The following TEF variants were observed in gnomAD, a reference collection of about 807,000 sequenced individuals.
TEF encodes thyrotroph embryonic factor.
A neutral mutation model predicts 20.8 loss-of-function variants in TEF; 3 were observed. That is an observed-to-expected ratio of 0.14 (90% CI 0.07 to 0.37). The LOEUF (loss-of-function observed/expected upper bound fraction) is 0.37, where lower values mean the gene tolerates loss of function less well. TEF is among the 10% of genes least tolerant of loss of function. TEF has a pLI of 1.00. For missense variants in TEF, 296 were observed against 397.9 expected (o/e 0.74, Z 2.18); for synonymous variants, 180 against 171.1 (o/e 1.05, Z -0.41).
At chr22:41,367,962 G>A (rs372414867) in intron 1 of TEF, among the ~76,000 whole-genome samples, 2 of 152,158 alleles carry the variant, frequency 1.3e-5, no homozygotes, top group Admixed American at 1.3e-4. Flanking sequence ...GCAGAGGAGC[G>A]GCAGGGACTG....
At chr22:41,376,037 CAG>C (rs1305938557) in intron 1 of TEF, among the ~76,000 whole-genome samples, 1 of 152,072 alleles carries the variant, frequency 6.6e-6, no homozygotes, top group African/African-American at 2.4e-5. Flanking sequence ...AGCCAGAAAA[CAG>C]AGTGGGACTG....
chr22:41,374,732 A>G (rs888458212), intron 1 of TEF, among the ~76,000 whole-genome samples: 1 of 151,828 alleles, frequency 6.6e-6, no homozygotes, highest in Non-Finnish European at 1.5e-5. Flanking sequence ...AAAAAAGAAA[A>G]GAAAATCATA....
At chr22:41,372,264 C>T (rs1038712411) in intron 1 of TEF, among the ~76,000 whole-genome samples, 4 of 152,054 alleles carry the variant, frequency 2.6e-5, no homozygotes, top group Admixed American at 2.0e-4. Flanking sequence ...TCTCTACCTG[C>T]CCCCCACCCC....
intron 2 of TEF, among the ~76,000 whole-genome samples, chr22:41,389,344 T>TGAACCGA (rs1465957642): frequency 6.6e-6 from 1 of 151,768 alleles, no homozygotes; most frequent in Non-Finnish European, 1.5e-5. Flanking sequence ...GAGCTTGCAG[T>TGAACCGA]GAACCGAGAT....
chr22:41,397,431 G>A lies in TEF; in HGVS notation c.*1471G>A, dbSNP rs1310961678. ...ATTTGCTCAGGGCGGGCAGCCTATG[G>A]TGAAGAGGAGACAGAGGCGATGGGC... is the stretch of plus-strand genomic sequence containing the variant. On this transcript the variant is annotated 3_prime_UTR_variant, in exon 4 of 4. Transcript: ENST00000266304. 3 of 246,688 alleles carry A rather than the reference G, an allele frequency of 1.2e-5. No homozygotes were observed. The highest frequency in any genetic ancestry group is 2.3e-5 in the Non-Finnish European group (3 of 129,678). The allele number at this position is 246,688 out of a possible 1,614,324, so 15.3% of individuals were successfully genotyped here. A position where few individuals can be genotyped will look rare whatever the true frequency, so the allele number is the denominator to read the frequency against.
exon 1 of TEF, chr22:41,367,515 T>C (rs562261485): frequency 7.7e-6 from 12 of 1,550,386 alleles, no homozygotes; most frequent in Non-Finnish European, 1.0e-5. Flanking sequence ...CTGCGACTGG[T>C]TCTCAGTGGC....
At chr22:41,383,503 A>C (rs997932825) in intron 1 of TEF, among the ~76,000 whole-genome samples, 2 of 152,158 alleles carry the variant, frequency 1.3e-5, no homozygotes, top group Non-Finnish European at 2.9e-5. Context: ...ACATCATCTT[A>C]TTTCATTAAC....
chr22:41,373,748 G>GT, intron 1 of TEF, among the ~76,000 whole-genome samples: 1 of 145,392 alleles, frequency 6.9e-6, no homozygotes, highest in East Asian at 2.0e-4. Context: ...GATTACAGTC[G>GT]TAAGTCACCA....
chr22:41,379,546 A>G (rs1019577587), upstream of TEF, among the ~76,000 whole-genome samples: 6 of 151,588 alleles, frequency 4.0e-5, no homozygotes, highest in East Asian at 2.0e-4. Context: ...CATAAGGTAG[A>G]GCCTGCCCTA....
intron 1 of TEF, among the ~76,000 whole-genome samples, chr22:41,373,660 A>C (rs1330958851): frequency 6.6e-6 from 1 of 151,490 alleles, no homozygotes; most frequent in Non-Finnish European, 1.5e-5. Flanking sequence ...AGTAGAGACG[A>C]GGTGTCACCA....
intron 1 of TEF, among the ~76,000 whole-genome samples, chr22:41,385,334 T>G (rs566663809): frequency 6.6e-6 from 1 of 152,098 alleles, no homozygotes; most frequent in Admixed American, 6.5e-5. Flanking sequence ...CACTCCAGTC[T>G]GGGCAACAAG....
rs545300578 is a variant in TEF, at chr22:41,382,712, C to T, written c.157+511C>T. ...CTCCCGGAGGGACCTGGCTTCCTCC[C>T]TGGGTGTGAGTAGCGCCAGCTACTA... On this transcript the variant is annotated intron_variant, in intron 1 of 3. Coordinates refer to ENST00000266304, the MANE Select transcript of TEF (RefSeq NM_003216.4). Among the ~76,000 whole-genome samples, 16 of 152,070 alleles carry T rather than the reference C, an allele frequency of 1.1e-4. No individual in the cohort carries two copies. The East Asian group carries it at 3.1e-3, about 30-fold the overall frequency.
intron 2 of TEF, among the ~76,000 whole-genome samples, chr22:41,389,741 T>C (rs1460393047): frequency 6.6e-6 from 1 of 152,034 alleles, no homozygotes; most frequent in Non-Finnish European, 1.5e-5. Context: ...GAAGTGTTGG[T>C]TGAAATTACA....
chr22:41,389,544 G>A (rs973370493), intron 2 of TEF, among the ~76,000 whole-genome samples: 5 of 151,424 alleles, frequency 3.3e-5, no homozygotes, highest in Non-Finnish European at 7.4e-5. Context: ...GCTTGAACCC[G>A]GGAGGCGGAG....
In TEF at chr22:41,387,581, G is replaced by A; in HGVS notation, c.388G>A (p.Gly130Arg). The A allele has an allele frequency of 1.2e-6, 2 of 1,614,204 alleles. No individual in the cohort carries two copies. The highest frequency in any genetic ancestry group is 1.7e-5 in the Admixed American group (1 of 60,022). Residue 130 changes from glycine to arginine, a missense_variant, in exon 2 of 4, where the codon GGG (glycine) becomes AGG (arginine). Coordinates refer to ENST00000266304, the MANE Select transcript of TEF (RefSeq NM_003216.4). The stretch of plus-strand genomic sequence containing the variant: ...GCTGCTGCCTGTAGCAGAGCTAGAA[G>A]GGAAGGAGTCTGCCAGCTCTTCCAC... ...NLLLPVAELE[G>R]KESASSSTAS...
At chr22:41,391,685 C>G (rs2037168838) in intron 2 of TEF, among the ~76,000 whole-genome samples, 1 of 151,128 alleles carries the variant, frequency 6.6e-6, no homozygotes, top group Non-Finnish European at 1.5e-5. Flanking sequence ...TGCAGTGGCA[C>G]CATCTTGGCT....
chr22:41,369,207 G>A (rs536299142), intron 1 of TEF: 25 of 985,252 alleles, frequency 2.5e-5, no homozygotes, highest in African/African-American at 2.4e-4. Context: ...AGCAGCTGCC[G>A]GTCTCTGGCT....
chr22:41,393,773 CA>C (rs879096914), intron 2 of TEF, among the ~76,000 whole-genome samples: 2,221 of 60,316 alleles, frequency 0.037, 18 homozygotes, highest in South Asian at 0.067. Context: ...ACTCCCATCT[CA>C]AAAAAAAAAA....
intron 1 of TEF, 135 bp downstream of exon 1, chr22:41,382,336 A>T (rs2037042106): frequency 9.2e-6 from 6 of 653,260 alleles, no homozygotes; most frequent in African/African-American, 2.1e-5. Context: ...CTGGATGACC[A>T]GGAGCCTGGA....
Sources: gnomAD v4.1 joint callset for allele counts (sites outside exome capture counted in the v4.1 genomes callset) on GRCh38, gnomAD v4.1.1 for gene constraint, MANE v1.5 for transcripts, NCBI Gene and HGNC (gene_info 2026-07-23, HGNC 2026-07-21) for gene names.